THSD7A: variants seen among roughly 807,000 people sequenced by gnomAD.
THSD7A encodes the protein thrombospondin type-1 domain-containing protein 7A.
A neutral mutation model predicts 231.3 loss-of-function variants in THSD7A; 96 were observed. The ratio of observed to expected loss-of-function variants is 0.41; its 90% CI spans 0.35 to 0.49. The LOEUF (loss-of-function observed/expected upper bound fraction) is 0.49. Among genes scored for constraint, THSD7A ranks in the 20% least tolerant of loss-of-function variants. The probability of loss-of-function intolerance (pLI) is 0.05; values close to 1 mark genes in which losing one functional copy is unlikely to be tolerated. For synonymous variants in THSD7A, 940 were observed against 743.3 expected (o/e 1.26, Z -4.30); for missense variants, 2,290 against 2,070.2 (o/e 1.11, Z -2.06).
chr7:11,820,933 C>G (rs577714519), intron 1 of THSD7A: 1 of 977,064 alleles, frequency 1.0e-6, no homozygotes, highest in Non-Finnish European at 1.6e-6. Context: ...CGCTGAAGAT[C>G]TCTCTCCTTA....
rs1282800620 is a variant in THSD7A, at chr7:11,463,412, C to A, written c.2369-1269G>T. On this transcript the variant is annotated intron_variant, in intron 9 of 27. Coordinates refer to ENST00000423059, the MANE Select transcript of THSD7A (RefSeq NM_015204.3). ...CAAATTTCTGGGCCTATACCCAGGA[C>A]TACTAAATCAGAATCTGGAAGCTGG... Among the ~76,000 whole-genome samples the A allele has an allele frequency of 3.9e-5, 6 of 152,218 alleles. No individual in the cohort carries two copies. In the South Asian group the frequency reaches 6.2e-4, roughly 16 times the overall value.
chr7:11,429,163 A>C (rs760706159), intron 13 of THSD7A, 38 bp from the exon 14 acceptor site: 1 of 1,520,916 alleles, frequency 6.6e-7, no homozygotes, highest in Non-Finnish European at 8.8e-7. Flanking sequence ...CATCTCCTCC[A>C]CCTGTCACTC....
At chr7:11,664,407 A>G (rs1229156198) in intron 1 of THSD7A, among the ~76,000 whole-genome samples, 13 of 151,844 alleles carry the variant, frequency 8.6e-5, no homozygotes, top group Non-Finnish European at 1.8e-4. Flanking sequence ...CAATTTCCTT[A>G]CTTTTATGAA....
intron 1 of THSD7A, among the ~76,000 whole-genome samples, chr7:11,759,660 A>G (rs1782794280): frequency 6.6e-6 from 1 of 152,062 alleles, no homozygotes; most frequent in African/African-American, 2.4e-5. Flanking sequence ...ATATACACAC[A>G]CACGATTACC....
intron 1 of THSD7A, among the ~76,000 whole-genome samples, chr7:11,829,261 T>A (rs1269609807): frequency 6.6e-6 from 1 of 152,134 alleles, no homozygotes; most frequent in East Asian, 1.9e-4. Flanking sequence ...CAACTTTATA[T>A]ACCCTTATTT....
At chr7:11,758,198 T>C (rs1782746744) in intron 1 of THSD7A, among the ~76,000 whole-genome samples, 1 of 151,706 alleles carries the variant, frequency 6.6e-6, no homozygotes, top group Non-Finnish European at 1.5e-5. Context: ...TCAAAACCAG[T>C]AGACTTAAAC....
intron 1 of THSD7A, among the ~76,000 whole-genome samples, chr7:11,656,652 C>G (rs545188913): frequency 1.1e-3 from 166 of 151,962 alleles, no homozygotes; most frequent in African/African-American, 3.7e-3. Flanking sequence ...ATCTGGTTAA[C>G]TTAACCATTC....
chr7:11,543,446 G>A (rs1377119822), intron 4 of THSD7A, among the ~76,000 whole-genome samples: 1 of 152,104 alleles, frequency 6.6e-6, no homozygotes, highest in Non-Finnish European at 1.5e-5. Context: ...AAATTCTATA[G>A]CAATATTCTA....
At chr7:11,567,680 G>T (rs562677534) in intron 4 of THSD7A, among the ~76,000 whole-genome samples, 1 of 152,108 alleles carries the variant, frequency 6.6e-6, no homozygotes, top group Admixed American at 6.6e-5. Flanking sequence ...TGAGCTGCAG[G>T]ATATTTAAGA....
rs567437068 is a variant in THSD7A, at chr7:11,556,096, T to C, written c.1454-12979A>G. Among the ~76,000 whole-genome samples, 12 of 151,936 alleles carry C rather than the reference T, an allele frequency of 7.9e-5. No individual in the cohort carries two copies. The East Asian group carries it at 9.7e-4, about 12-fold the overall frequency. On this transcript the variant is annotated intron_variant, in intron 4 of 27. Transcript: ENST00000423059. ...ATTTAATGTAGTTATTTATATGTTATGGACTAAGTCTTCTATTTATTTTTA... is the reference window on the plus strand; with the variant it reads ...ATTTAATGTAGTTATTTATATGTTACGGACTAAGTCTTCTATTTATTTTTA...
chr7:11,735,642 T>A (rs988701129), intron 1 of THSD7A, among the ~76,000 whole-genome samples: 1 of 151,970 alleles, frequency 6.6e-6, no homozygotes, highest in Non-Finnish European at 1.5e-5. Flanking sequence ...ACACAACTTG[T>A]GGTATCCTCT....
intron 1 of THSD7A, among the ~76,000 whole-genome samples, chr7:11,708,130 A>G (rs1780830615): frequency 1.3e-5 from 2 of 150,908 alleles, no homozygotes; most frequent in Admixed American, 1.3e-4. Flanking sequence ...CTTAAAGCCT[A>G]GAGTTAAAGC....
intron 1 of THSD7A, among the ~76,000 whole-genome samples, chr7:11,799,435 T>C (rs1239298990): frequency 6.6e-6 from 1 of 152,216 alleles, no homozygotes; most frequent in Non-Finnish European, 1.5e-5. Context: ...ACATTCTAAA[T>C]CATATTACTT....
intron 2 of THSD7A, among the ~76,000 whole-genome samples, chr7:11,624,722 A>G (rs1781424983): frequency 6.6e-6 from 1 of 152,134 alleles, no homozygotes. Context: ...TATGCAACCC[A>G]TAAAAGATAC....
At chr7:11,697,060 A>C (rs893012445) in intron 1 of THSD7A, among the ~76,000 whole-genome samples, 1 of 151,410 alleles carries the variant, frequency 6.6e-6, no homozygotes, top group Non-Finnish European at 1.5e-5. Flanking sequence ...ATCTCCTTGA[A>C]TTTAATAACG....
chr7:11,722,581 C>T (rs951708699), intron 1 of THSD7A, among the ~76,000 whole-genome samples: 1 of 151,846 alleles, frequency 6.6e-6, no homozygotes, highest in Non-Finnish European at 1.5e-5. Context: ...TTATCCACAA[C>T]TGATCAGCAG....
intron 1 of THSD7A, among the ~76,000 whole-genome samples, chr7:11,734,447 A>T (rs529417750): frequency 7.9e-5 from 12 of 151,980 alleles, no homozygotes; most frequent in Admixed American, 2.0e-4. Context: ...AAAAATAAGA[A>T]CCAATGTCTC....
At chr7:11,602,573 C>A (rs1262809616) in intron 2 of THSD7A, among the ~76,000 whole-genome samples, 2 of 151,826 alleles carry the variant, frequency 1.3e-5, no homozygotes, top group Admixed American at 6.6e-5. Flanking sequence ...AGATAAATAG[C>A]CTTTTTTTGT....
rs150535619 is a variant in THSD7A at position 11,637,891 on chromosome 7, T to G, written c.191-930A>C. Among the ~76,000 whole-genome samples the G allele has an allele frequency of 6.6e-6, 1 of 152,330 alleles. No individual in the cohort carries two copies. Among genetic ancestry groups the G allele is most frequent in the East Asian group, 1.9e-4 (1 of 5,188 alleles). On this transcript the variant is annotated intron_variant, in intron 1 of 27. Coordinates refer to ENST00000423059, the MANE Select transcript of THSD7A (RefSeq NM_015204.3). The surrounding 1 kb of genome is among the most constrained non-coding windows in gnomAD (Gnocchi z 4.2). ...GTACTTTAATAGACAGATCCCAATT[T>G]ACGAAATTGAGAATTGTATTATTTT... is the stretch of plus-strand genomic sequence containing the variant.
Sources: gnomAD v4.1 joint callset for allele counts (sites outside exome capture counted in the v4.1 genomes callset) on GRCh38, gnomAD v4.1.1 for gene constraint, Gnocchi (gnomAD v3.1) non-coding constraint, MANE v1.5 for transcripts, NCBI Gene and HGNC (gene_info 2026-07-23, HGNC 2026-07-21) for gene names.